CNTN5: variants seen among roughly 807,000 people sequenced by gnomAD.
CNTN5 encodes contactin-5.
Under a neutral mutation model 129.1 loss-of-function variants are expected in CNTN5, and 77 were observed. That is an observed-to-expected ratio of 0.60 (90% confidence interval 0.50 to 0.72). The LOEUF (loss-of-function observed/expected upper bound fraction) is 0.72, where lower values mean the gene tolerates loss of function less well. Ranked by LOEUF, CNTN5 falls within the 30% of genes least tolerant of loss-of-function variation. The probability of loss-of-function intolerance (pLI) is 0.00; values close to 1 mark genes in which losing one functional copy is unlikely to be tolerated. For synonymous variants in CNTN5, 509 were observed against 465.6 expected, an observed-to-expected ratio of 1.09 and a Z score of -1.20; for missense variants, 1,478 against 1,328.8, an observed-to-expected ratio of 1.11 and a Z score of -1.75.
chr11:99,418,814 T>C (rs1942770339), intron 2 of CNTN5, among the ~76,000 whole-genome samples: 1 of 152,178 alleles, frequency 6.6e-6, no homozygotes, highest in South Asian at 2.1e-4. Context: ...ATTAAACTCC[T>C]CATGATGCCT....
intron 2 of CNTN5, among the ~76,000 whole-genome samples, chr11:99,328,985 A>G (rs920479699): frequency 6.6e-6 from 1 of 152,048 alleles, no homozygotes; most frequent in Non-Finnish European, 1.5e-5. Context: ...AAACATTGTA[A>G]TCTGAGGCTG....
chr11:99,762,449 G>T (rs1021458567), intron 3 of CNTN5, among the ~76,000 whole-genome samples: 2 of 151,896 alleles, frequency 1.3e-5, no homozygotes, highest in Admixed American at 1.3e-4. Flanking sequence ...TGTATAAGGT[G>T]TAAGGAAGGG....
chr11:99,236,427 A>G (rs955262725), intron 1 of CNTN5, among the ~76,000 whole-genome samples: 6 of 151,566 alleles, frequency 4.0e-5, no homozygotes, highest in African/African-American at 2.4e-5. Context: ...TTTTAATAAT[A>G]TTCACAAATC....
At chr11:99,761,050 A>T (rs1444603565) in intron 3 of CNTN5, among the ~76,000 whole-genome samples, 1 of 152,124 alleles carries the variant, frequency 6.6e-6, no homozygotes, top group African/African-American at 2.4e-5. Context: ...GCTGTGATGA[A>T]AGATAAGTTA....
intron 2 of CNTN5, among the ~76,000 whole-genome samples, chr11:99,448,095 A>T (rs1184015310): frequency 6.6e-6 from 1 of 152,164 alleles, no homozygotes; most frequent in Non-Finnish European, 1.5e-5. Context: ...TTAACATTAT[A>T]TATATCTATA....
intron 6 of CNTN5, among the ~76,000 whole-genome samples, chr11:99,901,573 A>G (rs933391465): frequency 2.0e-5 from 3 of 152,164 alleles, no homozygotes; most frequent in African/African-American, 7.2e-5. Flanking sequence ...GATTACAGGC[A>G]CGAGCCACCA....
chr11:99,220,642 C>T (rs1303693386), intron 1 of CNTN5, among the ~76,000 whole-genome samples: 2 of 151,906 alleles, frequency 1.3e-5, no homozygotes, highest in Non-Finnish European at 2.9e-5. Flanking sequence ...TTCCAGCTGA[C>T]ACCAAAAGAG....
intron 7 of CNTN5, among the ~76,000 whole-genome samples, chr11:99,928,091 G>T (rs1238057411): frequency 6.6e-6 from 1 of 152,128 alleles, no homozygotes; most frequent in African/African-American, 2.4e-5. Flanking sequence ...AATCTTAAAG[G>T]TTCAAAATGA....
At chr11:99,769,064 T>C (rs1452288924) in intron 3 of CNTN5, among the ~76,000 whole-genome samples, 1 of 152,176 alleles carries the variant, frequency 6.6e-6, no homozygotes, top group Non-Finnish European at 1.5e-5. Context: ...ATTATTTTAA[T>C]ATTATGGACT....
At chr11:99,038,150 A>G (rs1424884113) in intron 1 of CNTN5, among the ~76,000 whole-genome samples, 6 of 152,186 alleles carry the variant, frequency 3.9e-5, no homozygotes, top group Admixed American at 2.0e-4. Flanking sequence ...TTAAGTTGTT[A>G]TAGGTTCATT....
At chr11:99,137,152 T>A (rs1859270543) in intron 1 of CNTN5, among the ~76,000 whole-genome samples, 2 of 152,166 alleles carry the variant, frequency 1.3e-5, no homozygotes, top group African/African-American at 4.8e-5. Flanking sequence ...GATGTGGGAA[T>A]GACCCTTAGC....
At chr11:99,344,627 T>G (rs759859514) in intron 2 of CNTN5, among the ~76,000 whole-genome samples, 1 of 151,938 alleles carries the variant, frequency 6.6e-6, no homozygotes, top group Non-Finnish European at 1.5e-5. Flanking sequence ...AAGAGCAAAA[T>G]AAGTAAATAG....
intron 2 of CNTN5, among the ~76,000 whole-genome samples, chr11:99,472,703 C>A (rs768914808): frequency 2.0e-5 from 3 of 152,018 alleles, no homozygotes; most frequent in Non-Finnish European, 4.4e-5. Flanking sequence ...GAGTCTCACT[C>A]GGTTGCCCAG....
intron 2 of CNTN5, among the ~76,000 whole-genome samples, chr11:99,435,686 C>T (rs769649129): frequency 5.3e-5 from 8 of 152,174 alleles, no homozygotes; most frequent in Non-Finnish European, 8.8e-5. Flanking sequence ...TAGGGTACAA[C>T]TAAAAATATC....
chr11:99,597,343 A>T (rs1312514217), intron 3 of CNTN5, among the ~76,000 whole-genome samples: 2 of 152,110 alleles, frequency 1.3e-5, no homozygotes, highest in Non-Finnish European at 2.9e-5. Flanking sequence ...GTATGCTTTC[A>T]ATTCCTTCAG....
chr11:99,881,219 A>T (rs1236578226), intron 6 of CNTN5, among the ~76,000 whole-genome samples: 1 of 152,126 alleles, frequency 6.6e-6, no homozygotes, highest in Non-Finnish European at 1.5e-5. Flanking sequence ...GACACATTTG[A>T]TCTACATACT....
At chr11:99,473,889 A>T (rs1043634223) in intron 2 of CNTN5, among the ~76,000 whole-genome samples, 15 of 152,062 alleles carry the variant, frequency 9.9e-5, no homozygotes, top group African/African-American at 3.4e-4. Context: ...ATATATTTGA[A>T]ATAATCAGCT....
intron 2 of CNTN5, among the ~76,000 whole-genome samples, chr11:99,462,668 C>T (rs975440549): frequency 6.6e-6 from 1 of 152,154 alleles, no homozygotes; most frequent in Non-Finnish European, 1.5e-5. Context: ...GTACTGAATA[C>T]GCCCGCTCCC....
chr11:99,697,383 T>C (rs1040746499), intron 3 of CNTN5, among the ~76,000 whole-genome samples: 6 of 151,616 alleles, frequency 4.0e-5, no homozygotes, highest in African/African-American at 1.5e-4. Context: ...CAGTGATAAA[T>C]CATGCTGATA....
Sources: allele counts gnomAD v4.1 joint callset (sites outside exome capture counted in the v4.1 genomes callset), GRCh38; gene constraint gnomAD v4.1.1; transcripts MANE v1.5; gene names NCBI Gene and HGNC (gene_info 2026-07-23, HGNC 2026-07-21).